Variants in RTL4 observed in about 807,000 individuals in gnomAD.
The protein encoded by RTL4 is retrotransposon Gag like 4.
A neutral mutation model predicts 5.3 loss-of-function variants in RTL4; 4 were observed. The observed-to-expected ratio is 0.75, with a 90% CI of 0.37 to 1.72. The LOEUF (loss-of-function observed/expected upper bound fraction) is 1.72, where lower values mean the gene tolerates loss of function less well. RTL4 is among the 40% of genes most tolerant of loss of function. The probability of loss-of-function intolerance (pLI) is 0.04; values close to 1 mark genes in which losing one functional copy is unlikely to be tolerated. For synonymous variants in RTL4, 98 were observed against 87.3 expected, an observed-to-expected ratio of 1.12 and a Z score of -0.68; for missense variants, 260 against 227.1, an observed-to-expected ratio of 1.14 and a Z score of -0.93.
At chrX:112,293,911 A>G in the RTL4 span, among the ~76,000 whole-genome samples, 3 of 111,675 alleles carry the variant, frequency 2.7e-5, no homozygotes, top group Non-Finnish European at 5.6e-5. Flanking sequence ...ATCCTGCTCA[A>G]TTGGCTACTG....
the RTL4 span, among the ~76,000 whole-genome samples, chrX:112,085,839 T>G: frequency 0.14 from 15,244 of 111,572 alleles, 1,547 homozygotes; most frequent in African/African-American, 0.35. Flanking sequence ...ATGAATATTT[T>G]GTGAGGAAAC....
At chrX:112,347,032 T>C in the RTL4 span, among the ~76,000 whole-genome samples, 5 of 111,541 alleles carry the variant, frequency 4.5e-5, no homozygotes, top group African/African-American at 1.6e-4. Context: ...TGGAAAAGAG[T>C]ATAGAAAAGC....
the RTL4 span, among the ~76,000 whole-genome samples, chrX:112,226,425 A>T: frequency 8.9e-6 from 1 of 112,063 alleles, no homozygotes; most frequent in African/African-American, 3.2e-5. Context: ...CATTATTTCA[A>T]GAATGATCCT....
At chrX:112,377,646 A>T in the RTL4 span, among the ~76,000 whole-genome samples, 1 of 112,127 alleles carries the variant, frequency 8.9e-6, no homozygotes, top group Non-Finnish European at 1.9e-5. Flanking sequence ...TCAATACACC[A>T]CATGATGATG....
the RTL4 span, among the ~76,000 whole-genome samples, chrX:112,335,729 A>G: frequency 9.0e-6 from 1 of 110,666 alleles, no homozygotes; most frequent in Admixed American, 9.6e-5. Flanking sequence ...TATTCTTTTT[A>G]TTCCAACTCA....
chrX:112,333,587 T>C, the RTL4 span, among the ~76,000 whole-genome samples: 1 of 111,916 alleles, frequency 8.9e-6, no homozygotes, highest in African/African-American at 3.2e-5. Context: ...ACTTACTGGC[T>C]GAGCATCCCA....
the RTL4 span, among the ~76,000 whole-genome samples, chrX:112,213,288 G>A: frequency 8.9e-6 from 1 of 112,784 alleles, no homozygotes; most frequent in East Asian, 2.8e-4. Context: ...GTAAAATAAG[G>A]CCAATAACAT....
chrX:112,236,473 A>AGATATATATCTATATC, the RTL4 span, among the ~76,000 whole-genome samples: 1 of 81,458 alleles, frequency 1.2e-5, no homozygotes, highest in African/African-American at 5.0e-5. Flanking sequence ...ATATCTATAT[A>AGATATATATCTATATC]TAGATATAGA....
the RTL4 span, among the ~76,000 whole-genome samples, chrX:112,212,830 G>GTC: frequency 8.9e-6 from 1 of 112,118 alleles, no homozygotes; most frequent in South Asian, 3.7e-4. Context: ...AACCAAGACT[G>GTC]TCTCTCGCTA....
chrX:112,337,580 G>A, the RTL4 span, among the ~76,000 whole-genome samples: 1 of 111,087 alleles, frequency 9.0e-6, no homozygotes, highest in African/African-American at 3.3e-5. Flanking sequence ...ACCGTGCCTG[G>A]CAAAAAATAT....
the RTL4 span, among the ~76,000 whole-genome samples, chrX:112,094,958 G>A: frequency 3.0e-4 from 33 of 111,317 alleles, no homozygotes; most frequent in East Asian, 1.4e-3. Flanking sequence ...TAGCTAGTGC[G>A]GATGTAGGGT....
At chrX:112,093,034 C>T in the RTL4 span, among the ~76,000 whole-genome samples, 4 of 110,656 alleles carry the variant, frequency 3.6e-5, no homozygotes, top group African/African-American at 1.3e-4. Context: ...TTATCTTGGC[C>T]TCCTCCCTCT....
chrX:112,260,821 T>C, the RTL4 span, among the ~76,000 whole-genome samples: 1 of 111,881 alleles, frequency 8.9e-6, no homozygotes, highest in Non-Finnish European at 1.9e-5. Flanking sequence ...CATTTCTCTT[T>C]TTCAATCTGG....
chrX:112,226,984 T>TAAAAC, the RTL4 span, among the ~76,000 whole-genome samples: 53 of 36,663 alleles, frequency 1.4e-3, no homozygotes, highest in East Asian at 4.8e-3. Context: ...TAAAATAAAA[T>TAAAAC]AAAACAAAAT....
At chrX:112,096,148 TTTTAC>T in the RTL4 span, among the ~76,000 whole-genome samples, 1 of 112,045 alleles carries the variant, frequency 8.9e-6, no homozygotes, top group African/African-American at 3.2e-5. Context: ...GCTTCAGATT[TTTTAC>T]CTGTAAAATT....
At chrX:112,249,798 G>T in the RTL4 span, among the ~76,000 whole-genome samples, 63 of 107,162 alleles carry the variant, frequency 5.9e-4, no homozygotes, top group African/African-American at 1.5e-3. Context: ...TATATAGAGA[G>T]AGAGAGAGAG....
chrX:112,379,441 G>A, the RTL4 span, among the ~76,000 whole-genome samples: 1 of 112,161 alleles, frequency 8.9e-6, no homozygotes, highest in Non-Finnish European at 1.9e-5. Flanking sequence ...TTCTACTTAC[G>A]TAATCATGTT....
the RTL4 span, among the ~76,000 whole-genome samples, chrX:112,304,336 T>TTG: frequency 9.0e-6 from 1 of 111,085 alleles, no homozygotes; most frequent in Middle Eastern, 4.2e-3. Context: ...GCATTTGTGT[T>TTG]TGTGTGTGTG....
the RTL4 span, among the ~76,000 whole-genome samples, chrX:112,170,731 C>A: frequency 7.2e-5 from 8 of 111,166 alleles, no homozygotes; most frequent in African/African-American, 2.6e-4. Flanking sequence ...ATCTGAATAC[C>A]CTTTATTTCT....
Sources: allele counts gnomAD v4.1 joint callset (sites outside exome capture counted in the v4.1 genomes callset), GRCh38; gene constraint gnomAD v4.1.1; transcripts MANE v1.5; gene names NCBI Gene and HGNC (gene_info 2026-07-23, HGNC 2026-07-21).